The following CACNA2D3 variants were observed in gnomAD, a reference collection of about 807,000 sequenced individuals.
CACNA2D3 encodes the protein calcium voltage-gated channel auxiliary subunit alpha2delta 3.
A neutral mutation model predicts 160.6 loss-of-function variants in CACNA2D3; 60 were observed. That is an observed-to-expected ratio of 0.37 (90% confidence interval 0.30 to 0.46). The LOEUF is 0.46. CACNA2D3 is among the 20% of genes least tolerant of loss of function. The probability of loss-of-function intolerance (pLI) is 1.00; values close to 1 mark genes in which losing one functional copy is unlikely to be tolerated. For missense variants in CACNA2D3, 1,205 were observed against 1,365.0 expected, an observed-to-expected ratio of 0.88 and a Z score of 1.85; for synonymous variants, 558 against 492.9, an observed-to-expected ratio of 1.13 and a Z score of -1.75.
intron 2 of CACNA2D3, among the ~76,000 whole-genome samples, chr3:54,312,972 C>G (rs747558864): frequency 3.7e-4 from 56 of 152,158 alleles, no homozygotes; most frequent in African/African-American, 9.4e-4. Context: ...TCTGTTACAT[C>G]GAGACCTTCA....
At chr3:54,687,895 A>G (rs1435263329) in intron 11 of CACNA2D3, among the ~76,000 whole-genome samples, 1 of 152,240 alleles carries the variant, frequency 6.6e-6, no homozygotes, top group East Asian at 1.9e-4. Flanking sequence ...TTCTGCATAC[A>G]GACTTCAGAC....
intron 5 of CACNA2D3, among the ~76,000 whole-genome samples, chr3:54,551,726 A>G (rs1471871508): frequency 1.3e-5 from 2 of 152,144 alleles, no homozygotes; most frequent in African/African-American, 4.8e-5. Flanking sequence ...TTCAGCACAG[A>G]TTTTCAAGCA....
At chr3:54,292,096 G>C (rs56186015) in intron 2 of CACNA2D3, among the ~76,000 whole-genome samples, 1 of 151,802 alleles carries the variant, frequency 6.6e-6, no homozygotes, top group Non-Finnish European at 1.5e-5. Flanking sequence ...CAAATGGTGT[G>C]GGGACAACTG....
At chr3:54,307,563 A>G (rs1208814550) in intron 2 of CACNA2D3, among the ~76,000 whole-genome samples, 5 of 152,198 alleles carry the variant, frequency 3.3e-5, no homozygotes, top group Admixed American at 2.0e-4. Flanking sequence ...AGACTCAGCC[A>G]TTGCCTCTTC....
intron 4 of CACNA2D3, among the ~76,000 whole-genome samples, chr3:54,410,058 G>T (rs2106724149): frequency 6.6e-6 from 1 of 152,292 alleles, no homozygotes; most frequent in South Asian, 2.1e-4. Flanking sequence ...CCTAGTTGAA[G>T]AGGAGAAGTC....
At chr3:54,689,311 A>G (rs1202734749) in intron 11 of CACNA2D3, among the ~76,000 whole-genome samples, 3 of 152,092 alleles carry the variant, frequency 2.0e-5, no homozygotes, top group African/African-American at 7.2e-5. Context: ...TGCTCCAGGC[A>G]CAGTGCTTAT....
chr3:54,871,346 GTTTAGAGGCA>G (rs1166572347), intron 17 of CACNA2D3, among the ~76,000 whole-genome samples, 183 bp from the exon 18 acceptor site: 1 of 152,100 alleles, frequency 6.6e-6, no homozygotes, highest in Non-Finnish European at 1.5e-5. Flanking sequence ...TGGAGCCAAT[GTTTAGAGGCA>G]TCTGACCTTG....
intron 13 of CACNA2D3, among the ~76,000 whole-genome samples, chr3:54,773,118 A>G (rs1036283674): frequency 2.0e-5 from 3 of 152,216 alleles, no homozygotes; most frequent in African/African-American, 4.8e-5. Flanking sequence ...TGCATTTGCA[A>G]ATTGGACCTG....
At chr3:54,141,836 C>G (rs145973519) in intron 2 of CACNA2D3, among the ~76,000 whole-genome samples, 21 of 152,186 alleles carry the variant, frequency 1.4e-4, no homozygotes, top group African/African-American at 4.6e-4. Flanking sequence ...TTTATTCATT[C>G]GTTTATTCAA....
chr3:54,404,229 G>A (rs1699529419), intron 4 of CACNA2D3, among the ~76,000 whole-genome samples: 1 of 152,062 alleles, frequency 6.6e-6, no homozygotes, highest in Admixed American at 6.6e-5. Flanking sequence ...GATGAATATT[G>A]ATGTAAAAAA....
chr3:54,402,722 G>A (rs2106704126), intron 4 of CACNA2D3, among the ~76,000 whole-genome samples: 1 of 152,176 alleles, frequency 6.6e-6, no homozygotes, highest in East Asian at 1.9e-4. Flanking sequence ...GACAGATCAA[G>A]CAGATGAAAA....
chr3:55,069,569 A>G (rs1329270106), intron 35 of CACNA2D3, among the ~76,000 whole-genome samples: 4 of 152,186 alleles, frequency 2.6e-5, no homozygotes, highest in African/African-American at 7.2e-5. Context: ...GTGGTTTTAT[A>G]TGCTGATTAT....
chr3:54,868,009 T>C (rs1490325522), intron 17 of CACNA2D3, among the ~76,000 whole-genome samples: 4 of 152,018 alleles, frequency 2.6e-5, no homozygotes, highest in African/African-American at 9.7e-5. Context: ...CTGGAAAACA[T>C]GGGGAATGGG....
At chr3:54,794,727 G>C (rs1041462984) in intron 13 of CACNA2D3, among the ~76,000 whole-genome samples, 2 of 151,542 alleles carry the variant, frequency 1.3e-5, no homozygotes, top group Non-Finnish European at 2.9e-5. Flanking sequence ...GGCTGCTCTA[G>C]GGTCATTTGG....
At chr3:54,700,092 C>T (rs1031596259) in intron 11 of CACNA2D3, among the ~76,000 whole-genome samples, 4 of 152,174 alleles carry the variant, frequency 2.6e-5, no homozygotes, top group Non-Finnish European at 4.4e-5. Context: ...CTAGTCATAG[C>T]CCCTGGCTAA....
At position 54,626,259 on chromosome 3, in the gene CACNA2D3, C is replaced by T. The variant is rs1699098314; in HGVS notation, c.964-1528C>T. On this transcript the variant is annotated intron_variant, in intron 9 of 37. Coordinates refer to ENST00000474759, the MANE Select transcript of CACNA2D3 (RefSeq NM_018398.3). Reference sequence around the variant, plus strand: ...AGAAGCAGACCTTCCGCAGGTTCACCTACCGTGGCGTGGACCTGGACCAGC... The same window carrying T: ...AGAAGCAGACCTTCCGCAGGTTCACTTACCGTGGCGTGGACCTGGACCAGC... The T allele has an allele frequency of 4.3e-5, 54 of 1,248,474 alleles. 1 individual carries two copies. In the South Asian group the frequency reaches 6.9e-4, roughly 16 times the overall value. The allele number at this position is 1,248,474 out of a possible 1,614,324, so 77.3% of individuals were successfully genotyped here.
In CACNA2D3 at chr3:54,764,330, C is replaced by T. The variant is rs756288576; in HGVS notation, c.1359C>T (p.Thr453=). 19 of 1,613,588 alleles carry T rather than the reference C, an allele frequency of 1.2e-5. No individual in the cohort carries two copies. Among genetic ancestry groups the T allele is most frequent in the Admixed American group, 1.7e-5 (1 of 59,986 alleles). The change falls in exon 13 of 38, where the codon ACC becomes ACT. Residue 453 remains threonine (T), a synonymous_variant. Transcript: ENST00000474759. ...ACCAGGAGCATGATGTGGTGTGGAC[C>T]GAAGCTTACATTGACAGCACTGTGA... The part of the protein sequence containing the change: ...VIDQEHDVVW[T]EAYIDSTLPQ...
intron 4 of CACNA2D3, among the ~76,000 whole-genome samples, chr3:54,478,944 A>G (rs982687834): frequency 6.6e-6 from 1 of 151,856 alleles, no homozygotes; most frequent in African/African-American, 2.4e-5. Flanking sequence ...ATGTATATAT[A>G]TAAAAAACCC....
At chr3:54,126,447 T>G (rs1699592431) in intron 2 of CACNA2D3, among the ~76,000 whole-genome samples, 1 of 152,192 alleles carries the variant, frequency 6.6e-6, no homozygotes, top group Admixed American at 6.5e-5. Flanking sequence ...ATTTTATCAG[T>G]TGTTTCTATG....
Sources: gnomAD v4.1 joint callset for allele counts (sites outside exome capture counted in the v4.1 genomes callset) on GRCh38, gnomAD v4.1.1 for gene constraint, MANE v1.5 for transcripts, NCBI Gene and HGNC (gene_info 2026-07-23, HGNC 2026-07-21) for gene names.